MEIG1: variants seen among roughly 807,000 people sequenced by gnomAD.
MEIG1 encodes the protein meiosis/spermiogenesis associated 1, also known as meiosis expressed gene 1 protein homolog.
A neutral mutation model predicts 11.3 loss-of-function variants in MEIG1; 12 were observed. The observed-to-expected ratio is 1.07, with a 90% CI of 0.68 to 1.73. The LOEUF (loss-of-function observed/expected upper bound fraction) is 1.73. Ranked by LOEUF, MEIG1 falls within the 40% of genes most tolerant of loss-of-function variation. The probability of loss-of-function intolerance (pLI) is 0.00; values close to 1 mark genes in which losing one functional copy is unlikely to be tolerated. For missense variants in MEIG1, 119 were observed against 104.9 expected, an observed-to-expected ratio of 1.13 and a Z score of -0.59; for synonymous variants, 41 against 33.2, an observed-to-expected ratio of 1.24 and a Z score of -0.81.
chr10:14,966,900 A>G (rs905360352), intron 2 of MEIG1, among the ~76,000 whole-genome samples: 8 of 151,950 alleles, frequency 5.3e-5, no homozygotes, highest in Non-Finnish European at 7.4e-5. Flanking sequence ...CGCCTGGCTA[A>G]TTTTTGTATT....
chr10:14,987,197 G>A, intron 2 of MEIG1: 1 of 979,606 alleles, frequency 1.0e-6, no homozygotes, highest in Non-Finnish European at 1.6e-6. Flanking sequence ...AGTCACCTTG[G>A]GAACCGTGGC....
At chr10:14,968,217 G>C (rs918594542) in intron 2 of MEIG1, among the ~76,000 whole-genome samples, 12 of 152,138 alleles carry the variant, frequency 7.9e-5, no homozygotes, top group African/African-American at 2.2e-4. Context: ...GCTGGGAGTG[G>C]TGGCTCACGC....
chr10:14,964,362 C>T (rs1317822274), intron 1 of MEIG1, among the ~76,000 whole-genome samples: 1 of 151,640 alleles, frequency 6.6e-6, no homozygotes, highest in Non-Finnish European at 1.5e-5. Context: ...ATTTCCATTT[C>T]CTATTTTTCC....
At chr10:14,984,241 T>C (rs1168265606) in intron 1 of MEIG1, among the ~76,000 whole-genome samples, 2 of 84,880 alleles carry the variant, frequency 2.4e-5, no homozygotes, top group African/African-American at 2.3e-4. Context: ...TGGATCGTAA[T>C]ATCCAGGGTG....
At chr10:14,983,994 T>G (rs184618972) in intron 1 of MEIG1, among the ~76,000 whole-genome samples, 49 of 152,106 alleles carry the variant, frequency 3.2e-4, no homozygotes, top group East Asian at 7.7e-4. Context: ...GCTGGGGGTA[T>G]AAACACTCCC....
chr10:14,957,644 G>C (rs925064886), upstream of MEIG1, among the ~76,000 whole-genome samples: 3 of 152,034 alleles, frequency 2.0e-5, no homozygotes, highest in Non-Finnish European at 4.4e-5. Context: ...TTTTTGTTTT[G>C]TTTTCTTTGA....
intron 2 of MEIG1, among the ~76,000 whole-genome samples, chr10:14,969,345 G>A (rs1291543851): frequency 6.6e-6 from 1 of 151,862 alleles, no homozygotes; most frequent in East Asian, 1.9e-4. Flanking sequence ...GCTACTGGGA[G>A]GCTCAGGTGG....
intron 1 of MEIG1, among the ~76,000 whole-genome samples, chr10:14,964,878 C>T (rs1425268524): frequency 6.6e-6 from 1 of 151,654 alleles, no homozygotes; most frequent in Non-Finnish European, 1.5e-5. Flanking sequence ...ACCTCCACCT[C>T]CCAGGTTCAA....
At chr10:14,969,949 C>T (rs1400594810) in intron 2 of MEIG1, among the ~76,000 whole-genome samples, 2 of 152,128 alleles carry the variant, frequency 1.3e-5, no homozygotes, top group South Asian at 2.1e-4. Flanking sequence ...TTACACAAAT[C>T]GAAGTATATG....
intron 2 of MEIG1, 85 bp from the exon 3 acceptor site, chr10:14,972,428 A>G: frequency 1.3e-6 from 2 of 1,562,098 alleles, no homozygotes; most frequent in Non-Finnish European, 1.8e-6. Context: ...TCTGTAAGTC[A>G]TACTTTTTAA....
intron 1 of MEIG1, among the ~76,000 whole-genome samples, chr10:14,961,671 G>GTTTTTTT (rs1843015370): frequency 2.1e-5 from 1 of 48,096 alleles, no homozygotes; most frequent in African/African-American, 6.0e-5. Context: ...GTAGAGACAG[G>GTTTTTTT]TTTTCACCAG....
chr10:14,972,455 T>TA (rs1171825332), intron 2 of MEIG1, 58 bp from the exon 3 acceptor site: 1 of 1,607,978 alleles, frequency 6.2e-7, no homozygotes, highest in Non-Finnish European at 8.5e-7. Context: ...GATAGTAAAA[T>TA]ATGAGATAAA....
At chr10:14,977,593 G>C (rs566871715), downstream of MEIG1, among the ~76,000 whole-genome samples, 184 of 151,818 alleles carry the variant, frequency 1.2e-3, no homozygotes, top group African/African-American at 4.1e-3. Context: ...CACACATGGG[G>C]TACACCCACT....
intron 2 of MEIG1, among the ~76,000 whole-genome samples, chr10:14,969,032 C>T (rs1404024376): frequency 6.6e-6 from 1 of 152,068 alleles, no homozygotes; most frequent in Non-Finnish European, 1.5e-5. Flanking sequence ...GAGCCGAGAT[C>T]ACGCCATTGC....
chr10:14,984,506 C>T (rs557473582), intron 1 of MEIG1, among the ~76,000 whole-genome samples: 103 of 152,212 alleles, frequency 6.8e-4, no homozygotes, highest in African/African-American at 2.0e-3. Context: ...AATGTGTGTA[C>T]ACCTTGTGGT....
upstream of MEIG1, among the ~76,000 whole-genome samples, chr10:14,954,968 A>G (rs564515047): frequency 6.6e-6 from 1 of 152,122 alleles, no homozygotes; most frequent in Non-Finnish European, 1.5e-5. Context: ...GTCTAGTTCT[A>G]TCGCCCAGGC....
intron 1 of MEIG1, among the ~76,000 whole-genome samples, chr10:14,985,030 T>A (rs1014343104): frequency 6.6e-6 from 1 of 152,144 alleles, no homozygotes; most frequent in Non-Finnish European, 1.5e-5. Flanking sequence ...TTATTCGTAT[T>A]GTCTTGAAGA....
chr10:14,962,997 C>T (rs186164704), intron 1 of MEIG1, among the ~76,000 whole-genome samples: 3 of 151,908 alleles, frequency 2.0e-5, no homozygotes, highest in East Asian at 1.9e-4. Context: ...CTCCTGACCT[C>T]GTGATCCACC....
chr10:14,978,251 T>C (rs1415189702), intron 1 of MEIG1, among the ~76,000 whole-genome samples: 1 of 151,946 alleles, frequency 6.6e-6, no homozygotes, highest in African/African-American at 2.4e-5. Flanking sequence ...CAGGGATATA[T>C]TACTTCAAAT....
Sources: allele counts gnomAD v4.1 joint callset (sites outside exome capture counted in the v4.1 genomes callset), GRCh38; gene constraint gnomAD v4.1.1; transcripts MANE v1.5; gene names NCBI Gene and HGNC (gene_info 2026-07-23, HGNC 2026-07-21).